Variants in GRID1 observed in about 807,000 individuals in gnomAD.
GRID1 encodes glutamate receptor ionotropic, delta-1.
GRID1 carries 28 observed loss-of-function variants against 98.0 expected under a neutral mutation model. That is an observed-to-expected ratio of 0.29 (90% confidence interval 0.21 to 0.39). The LOEUF (loss-of-function observed/expected upper bound fraction) is 0.39, where lower values mean the gene tolerates loss of function less well. GRID1 is among the 10% of genes least tolerant of loss of function. The pLI is 1.00. For missense variants in GRID1, 1,111 were observed against 1,340.5 expected (o/e 0.83, Z 2.67); for synonymous variants, 553 against 538.5 (o/e 1.03, Z -0.37).
intron 2 of GRID1, among the ~76,000 whole-genome samples, chr10:86,273,249 T>A (rs1486660045): frequency 7.4e-6 from 1 of 135,060 alleles, no homozygotes; most frequent in Non-Finnish European, 1.6e-5. Flanking sequence ...AACTCATCAT[T>A]TTTTATGGCT....
intron 3 of GRID1, among the ~76,000 whole-genome samples, chr10:86,201,647 A>G (rs181313651): frequency 1.3e-5 from 2 of 151,986 alleles, no homozygotes; most frequent in East Asian, 3.9e-4. Context: ...ACATGAGTTT[A>G]CCTATGTAAC....
At chr10:85,854,663 G>C in intron 7 of GRID1, 48 bp from the exon 8 acceptor site, 1 of 1,608,462 alleles carries the variant, frequency 6.2e-7, no homozygotes, top group Non-Finnish European at 8.5e-7. Context: ...TAAGGTAGAG[G>C]ATGGAGTCCC....
chr10:85,734,151 T>C (rs146411605), intron 8 of GRID1, among the ~76,000 whole-genome samples: 218 of 152,178 alleles, frequency 1.4e-3, no homozygotes, highest in African/African-American at 5.0e-3. Context: ...CTAGGGGTGC[T>C]TTATCTCCTA....
intron 3 of GRID1, among the ~76,000 whole-genome samples, chr10:86,145,984 T>C (rs562895777): frequency 6.6e-6 from 1 of 152,286 alleles, no homozygotes; most frequent in East Asian, 1.9e-4. Flanking sequence ...AAGGTTATAA[T>C]TGTGACTATC....
chr10:85,775,648 A>C (rs185670081), intron 8 of GRID1, among the ~76,000 whole-genome samples: 313 of 152,260 alleles, frequency 2.1e-3, no homozygotes, highest in African/African-American at 6.2e-3. Flanking sequence ...ACACAATATA[A>C]CCATGTAAGA....
At chr10:86,337,711 T>G (rs1848245013) in intron 2 of GRID1, among the ~76,000 whole-genome samples, 1 of 137,992 alleles carries the variant, frequency 7.2e-6, no homozygotes, top group Non-Finnish European at 1.6e-5. Context: ...TTTTTTTTTT[T>G]TTTTTTTTTT....
intron 4 of GRID1, among the ~76,000 whole-genome samples, chr10:86,031,283 T>C (rs183526622): frequency 2.4e-4 from 36 of 152,280 alleles, no homozygotes; most frequent in African/African-American, 4.6e-4. Flanking sequence ...CTGGAGGCCA[T>C]TATTCTAAGC....
chr10:85,648,634 T>C (rs1843227344), intron 12 of GRID1, among the ~76,000 whole-genome samples: 1 of 152,116 alleles, frequency 6.6e-6, no homozygotes, highest in African/African-American at 2.4e-5. Context: ...ATAGCCAACC[T>C]TGAAATGAGA....
At chr10:85,756,420 A>G (rs1842099086) in intron 8 of GRID1, among the ~76,000 whole-genome samples, 1 of 152,152 alleles carries the variant, frequency 6.6e-6, no homozygotes, top group South Asian at 2.1e-4. Context: ...AGCAGCACTA[A>G]TCTTGTACTT....
intron 4 of GRID1, among the ~76,000 whole-genome samples, chr10:86,004,727 TAC>T (rs1406421884): frequency 1.3e-5 from 1 of 76,794 alleles, no homozygotes; most frequent in Middle Eastern, 6.8e-3. Context: ...TCTCTCTTTC[TAC>T]ACACACACAC....
chr10:86,041,098 C>T (rs1235956503), intron 4 of GRID1, among the ~76,000 whole-genome samples: 1 of 152,198 alleles, frequency 6.6e-6, no homozygotes, highest in Non-Finnish European at 1.5e-5. Context: ...ATGTGTCATG[C>T]AAGATGTGGC....
chr10:85,703,071 T>C (rs547467447), intron 12 of GRID1, among the ~76,000 whole-genome samples: 4 of 152,020 alleles, frequency 2.6e-5, no homozygotes, highest in East Asian at 1.9e-4. Context: ...GGAAAATCAA[T>C]AGGTGAAAGT....
chr10:85,791,988 G>A (rs1842485085), intron 8 of GRID1, among the ~76,000 whole-genome samples: 1 of 152,014 alleles, frequency 6.6e-6, no homozygotes, highest in Admixed American at 6.5e-5. Context: ...GGGCCCCCAG[G>A]CAGGAGGCCA....
rs1241694720 is a variant in GRID1 at position 86,286,748 on chromosome 10, C to T, written c.235+77193G>A. Among the ~76,000 whole-genome samples, 5 of 152,224 alleles carry T rather than the reference C, an allele frequency of 3.3e-5. No homozygotes were observed. In the East Asian group the frequency reaches 5.8e-4, roughly 18 times the overall value. ...TCTCATCTGTAAAATGGGACAACAA[C>T]GGTACCTACCCCAGGGGCAGAGCCT... On this transcript the variant is annotated intron_variant, in intron 2 of 15. Transcript: ENST00000327946.
At chr10:86,032,312 C>T (rs1258458606) in intron 4 of GRID1, among the ~76,000 whole-genome samples, 1 of 152,202 alleles carries the variant, frequency 6.6e-6, no homozygotes, top group Non-Finnish European at 1.5e-5. Flanking sequence ...AGCTGCCACC[C>T]CATCTGGGAG....
At chr10:85,974,312 GT>G (rs1218401673) in intron 4 of GRID1, among the ~76,000 whole-genome samples, 1 of 133,324 alleles carries the variant, frequency 7.5e-6, no homozygotes, top group Non-Finnish European at 1.6e-5. Context: ...GTTTTGTTTT[GT>G]TTTTTGTAAA....
intron 8 of GRID1, among the ~76,000 whole-genome samples, chr10:85,784,115 A>G (rs988883137): frequency 1.3e-5 from 2 of 152,266 alleles, no homozygotes; most frequent in Non-Finnish European, 2.9e-5. Context: ...AACATCTTGC[A>G]AAGGAAATAA....
intron 3 of GRID1, among the ~76,000 whole-genome samples, chr10:86,161,084 C>A (rs777493198): frequency 2.0e-5 from 3 of 152,202 alleles, no homozygotes; most frequent in Non-Finnish European, 4.4e-5. Flanking sequence ...TCCCACCTCT[C>A]AGCTGATAGC....
chr10:85,723,920 C>T (rs897553429), intron 11 of GRID1, among the ~76,000 whole-genome samples: 2 of 152,160 alleles, frequency 1.3e-5, no homozygotes, highest in Non-Finnish European at 2.9e-5. Flanking sequence ...CATCCAGACC[C>T]CTCAGAGGTA....
Sources: allele counts gnomAD v4.1 joint callset (sites outside exome capture counted in the v4.1 genomes callset), GRCh38; gene constraint gnomAD v4.1.1; transcripts MANE v1.5; gene names NCBI Gene and HGNC (gene_info 2026-07-23, HGNC 2026-07-21).